Variants in GALNS observed in about 807,000 individuals in gnomAD.
GALNS encodes galactosamine (N-acetyl)-6-sulfatase, also known as N-acetylgalactosamine-6-sulfatase.
In GALNS, 65 loss-of-function variants were observed where a neutral mutation model predicts 65.9. The observed-to-expected ratio is 0.99, with a 90% CI of 0.81 to 1.21. GALNS has a LOEUF of 1.21. Among genes scored for constraint, GALNS ranks in the 50% most tolerant of loss-of-function variants. GALNS has a pLI of 0.00. For missense variants in GALNS, 776 were observed against 700.7 expected (o/e 1.11, Z -1.21); for synonymous variants, 346 against 288.9 (o/e 1.20, Z -2.00).
intron 1 of GALNS, among the ~76,000 whole-genome samples, chr16:88,853,173 C>G (rs1260731785): frequency 1.4e-5 from 2 of 147,750 alleles, no homozygotes; most frequent in African/African-American, 5.0e-5. Flanking sequence ...ATTGCTTGAA[C>G]CTGGGAGACG....
rs550161070 is a variant in GALNS at position 88,843,159 on chromosome 16, C to T, written c.121-330G>A. 2,164 of 1,405,486 alleles carry T rather than the reference C, an allele frequency of 1.5e-3. 4 individuals are homozygous for T. The highest frequency in any genetic ancestry group is 1.9e-3 in the Non-Finnish European group (2,036 of 1,063,562). 87.1% of individuals were successfully genotyped at this position (1,405,486 alleles called of 1,614,324 possible). A position where few individuals can be genotyped will look rare whatever the true frequency, so the allele number is the denominator to read the frequency against. On this transcript the variant is annotated intron_variant, in intron 1 of 13. Transcript: ENST00000268695. ...CTGCCTCCTCCCAGCCTGACACCAG[C>T]ATCTGCATGCTCGCAGGAGCTGGCC...
chr16:88,851,435 G>A (rs186202107), intron 1 of GALNS, among the ~76,000 whole-genome samples: 21 of 152,298 alleles, frequency 1.4e-4, no homozygotes, highest in Admixed American at 9.2e-4. Context: ...GCAGCTCCCA[G>A]CGTGATTGAC....
chr16:88,826,972 A>T lies in GALNS; in HGVS notation c.1003-134T>A, dbSNP rs1178342415. On this transcript the variant is annotated intron_variant, in intron 9 of 13. Coordinates refer to ENST00000268695, the MANE Select transcript of GALNS (RefSeq NM_000512.5). ...TATGCATACATGCTCACACGCCCAC[A>T]GCAGGGACTGAGCGGGGTCACAAGG... The T allele has an allele frequency of 3.5e-4, 356 of 1,004,556 alleles. 6 individuals are homozygous for T. In the South Asian group the frequency reaches 5.3e-3, roughly 15 times the overall value. 62.2% of individuals were successfully genotyped at this position (1,004,556 alleles called of 1,614,324 possible). A position where few individuals can be genotyped will look rare whatever the true frequency, so the allele number is the denominator to read the frequency against.
chr16:88,856,940 T>A lies in GALNS; in HGVS notation c.-63A>T, dbSNP rs986947493. 6.8e-7 allele frequency: 1 copy of A among 1,461,802 alleles called. No homozygotes were observed. The highest frequency in any genetic ancestry group is 1.5e-5 in the African/African-American group (1 of 67,212). 90.6% of individuals were successfully genotyped at this position (1,461,802 alleles called of 1,614,324 possible). ...CGACCTAGCGAGCGTCCGCCGGCCC[T>A]TCCGGCTGGGCTGCGGGGCGGGGCC... On this transcript the variant is annotated 5_prime_UTR_variant, in exon 1 of 14. It adds an upstream start codon to the 5' untranslated region. Transcript: ENST00000268695.
At chr16:88,849,894 C>A (rs1967427058) in intron 1 of GALNS, among the ~76,000 whole-genome samples, 1 of 152,224 alleles carries the variant, frequency 6.6e-6, no homozygotes, top group South Asian at 2.1e-4. Context: ...GAGAAGGGAC[C>A]TTGGGCTCAG....
At chr16:88,856,482 G>A (rs775190407) in intron 1 of GALNS, 1 of 699,912 alleles carries the variant, frequency 1.4e-6, no homozygotes, top group South Asian at 1.5e-5. Flanking sequence ...CGGTCATGCA[G>A]CACAGTGGCA....
intron 1 of GALNS, chr16:88,856,191 C>T (rs989003730): frequency 4.3e-6 from 3 of 702,898 alleles, no homozygotes; most frequent in African/African-American, 3.5e-5. Context: ...TTCTTCAGAC[C>T]TTAGGGACAC....
chr16:88,854,736 C>G (rs1048227269), intron 1 of GALNS, among the ~76,000 whole-genome samples: 8 of 152,228 alleles, frequency 5.3e-5, no homozygotes, highest in African/African-American at 1.9e-4. Flanking sequence ...GCAGCAGAGC[C>G]ACGAAAGGGG....
intron 9 of GALNS, among the ~76,000 whole-genome samples, chr16:88,828,652 C>T (rs1911171245): frequency 6.6e-6 from 1 of 152,236 alleles, no homozygotes; most frequent in Non-Finnish European, 1.5e-5. Context: ...AGAGGGTTTC[C>T]CTTCTTCAGG....
At chr16:88,836,141 G>C in intron 6 of GALNS, 60 bp downstream of exon 6, 1 of 1,471,354 alleles carries the variant, frequency 6.8e-7, no homozygotes. Context: ...ACAGGATGAG[G>C]TTGGTGCGGT....
At chr16:88,837,888 T>C in intron 4 of GALNS, 123 bp from the exon 5 acceptor site, 1 of 1,018,654 alleles carries the variant, frequency 9.8e-7, no homozygotes. Flanking sequence ...GCACTGAGTA[T>C]GGGCTATGCC....
At chr16:88,829,385 C>G (rs1410659347) in intron 9 of GALNS, among the ~76,000 whole-genome samples, 1 of 152,242 alleles carries the variant, frequency 6.6e-6, no homozygotes, top group African/African-American at 2.4e-5. Flanking sequence ...CATGCTTCTC[C>G]TGCACAACAA....
chr16:88,820,357 G>A (rs1343839570), intron 12 of GALNS, among the ~76,000 whole-genome samples: 2 of 152,096 alleles, frequency 1.3e-5, no homozygotes, highest in Non-Finnish European at 2.9e-5. Flanking sequence ...TCAAACTCCT[G>A]ACCTCAGGTG....
chr16:88,839,241 C>T (rs1256128691), intron 4 of GALNS, among the ~76,000 whole-genome samples: 6 of 148,576 alleles, frequency 4.0e-5, no homozygotes, highest in Non-Finnish European at 7.5e-5. Context: ...GACACTCGTG[C>T]GCCCACGTCC....
At chr16:88,853,746 A>G (rs2143010314) in intron 1 of GALNS, among the ~76,000 whole-genome samples, 1 of 152,264 alleles carries the variant, frequency 6.6e-6, no homozygotes, top group East Asian at 1.9e-4. Flanking sequence ...CCAGGGTACT[A>G]CGAAGCCAGG....
intron 1 of GALNS, among the ~76,000 whole-genome samples, chr16:88,850,400 C>G (rs1967452314): frequency 6.6e-6 from 1 of 152,214 alleles, no homozygotes; most frequent in Admixed American, 6.5e-5. Context: ...CTGGGTCATC[C>G]TCCTACCTGT....
intron 10 of GALNS, 98 bp downstream of exon 10, chr16:88,826,596 GTCCAGAAC>G: frequency 7.2e-7 from 1 of 1,387,322 alleles, no homozygotes; most frequent in Non-Finnish European, 1.0e-6. Context: ...GCACGCCTGT[GTCCAGAAC>G]CAGGAGGGCT....
At chr16:88,851,344 T>C in intron 1 of GALNS, among the ~76,000 whole-genome samples, 1 of 152,158 alleles carries the variant, frequency 6.6e-6, no homozygotes, top group East Asian at 1.9e-4. Flanking sequence ...ACAGACACTG[T>C]CACTAAAAAA....
At chr16:88,841,170 G>T in intron 3 of GALNS, 76 bp from the exon 4 acceptor site, 1 of 1,136,248 alleles carries the variant, frequency 8.8e-7, no homozygotes, top group Non-Finnish European at 1.3e-6. Context: ...CAGGACACTG[G>T]GGGCTGCGTC....
Sources: gnomAD v4.1 joint callset for allele counts (sites outside exome capture counted in the v4.1 genomes callset) on GRCh38, gnomAD v4.1.1 for gene constraint, MANE v1.5 for transcripts, NCBI Gene and HGNC (gene_info 2026-07-23, HGNC 2026-07-21) for gene names.